The following GRIK3 variants were observed in gnomAD, a reference collection of about 807,000 sequenced individuals.
GRIK3 encodes the protein glutamate receptor ionotropic, kainate 3.
Under a neutral mutation model 102.5 loss-of-function variants are expected in GRIK3, and 29 were observed. The observed-to-expected ratio is 0.28, with a 90% CI of 0.21 to 0.39. The LOEUF (loss-of-function observed/expected upper bound fraction) is 0.39. Among genes scored for constraint, GRIK3 ranks in the 10% least tolerant of loss-of-function variants. The pLI, the probability that GRIK3 is intolerant of heterozygous loss-of-function variation, is 1.00. For missense variants in GRIK3, 908 were observed against 1,252.4 expected, an observed-to-expected ratio of 0.73 and a Z score of 4.15; for synonymous variants, 511 against 504.9, an observed-to-expected ratio of 1.01 and a Z score of -0.16.
intron 13 of GRIK3, among the ~76,000 whole-genome samples, chr1:36,812,537 C>T (rs746985710): frequency 1.3e-5 from 2 of 151,944 alleles, no homozygotes; most frequent in Admixed American, 6.5e-5. Context: ...CTTTTTTCAT[C>T]TCCTAATTAA....
At chr1:36,988,075 G>A (rs1642325381) in intron 1 of GRIK3, among the ~76,000 whole-genome samples, 1 of 152,120 alleles carries the variant, frequency 6.6e-6, no homozygotes, top group Non-Finnish European at 1.5e-5. Context: ...TGGATCACTT[G>A]AGGTCAGGAG....
intron 5 of GRIK3, 80 bp from the exon 6 acceptor site, chr1:36,860,097 T>C: frequency 8.7e-7 from 1 of 1,151,700 alleles, no homozygotes; most frequent in South Asian, 1.5e-5. Context: ...CACTCCCTAA[T>C]CAGGGCCGCC....
At chr1:36,965,406 C>A (rs966475203) in intron 1 of GRIK3, among the ~76,000 whole-genome samples, 1 of 152,120 alleles carries the variant, frequency 6.6e-6, no homozygotes, top group African/African-American at 2.4e-5. Context: ...GCCACACTCG[C>A]CAGCGAACAG....
intron 5 of GRIK3, among the ~76,000 whole-genome samples, chr1:36,867,045 G>A (rs1011508466): frequency 6.6e-6 from 1 of 152,180 alleles, no homozygotes; most frequent in African/African-American, 2.4e-5. Flanking sequence ...TCCCACCCAA[G>A]TGCCTAGTGC....
intron 10 of GRIK3, among the ~76,000 whole-genome samples, chr1:36,840,941 G>A (rs1197477793): frequency 6.6e-6 from 1 of 152,092 alleles, no homozygotes; most frequent in African/African-American, 2.4e-5. Context: ...GACAACAATC[G>A]CGTGAGGAAG....
chr1:36,915,944 G>T (rs1029011558), intron 1 of GRIK3, among the ~76,000 whole-genome samples: 4 of 152,190 alleles, frequency 2.6e-5, no homozygotes, highest in African/African-American at 9.7e-5. Context: ...TTTGGAACTG[G>T]GTAACGGGCA....
chr1:36,857,317 T>C (rs1310795269), intron 7 of GRIK3, among the ~76,000 whole-genome samples: 1 of 151,970 alleles, frequency 6.6e-6, no homozygotes, highest in Non-Finnish European at 1.5e-5. Flanking sequence ...GGGCCAGAAG[T>C]CAGGTCTCAG....
Position 36,817,287 on chromosome 1 carries a change from G to C in GRIK3, c.1874-10C>G. On this transcript the variant is annotated splice_polypyrimidine_tract_variant and intron_variant, in intron 12 of 15. Coordinates refer to ENST00000373091, the MANE Select transcript of GRIK3 (RefSeq NM_000831.4). ...GGCATCAGCTCAGACCCTGGGCGAA[G>C]AGAGGAGATAGTCAGTCCCTTACAA... The C allele has an allele frequency of 1.3e-6, 2 of 1,578,798 alleles. No homozygotes were observed. The highest frequency in any genetic ancestry group is 2.2e-5 in the South Asian group (2 of 90,354).
intron 10 of GRIK3, among the ~76,000 whole-genome samples, chr1:36,827,434 G>T (rs1642767075): frequency 6.6e-6 from 1 of 152,130 alleles, no homozygotes; most frequent in Non-Finnish European, 1.5e-5. Context: ...GACCTTTCTG[G>T]CAAGGGGGGA....
At chr1:36,886,334 G>T (rs986106834) in intron 2 of GRIK3, among the ~76,000 whole-genome samples, 6 of 152,148 alleles carry the variant, frequency 3.9e-5, no homozygotes, top group African/African-American at 1.4e-4. Context: ...GCAATGACGA[G>T]GACTTCTGTC....
At chr1:36,890,884 C>A in intron 2 of GRIK3, 36 bp downstream of exon 2, 1 of 1,524,938 alleles carries the variant, frequency 6.6e-7, no homozygotes, top group East Asian at 2.3e-5. Flanking sequence ...CCTCCCCAGG[C>A]TGGGAAGAGA....
rs57217516 is a variant in GRIK3 at position 36,826,680 on chromosome 1, TAAA to T, written c.1531-857_1531-855del. ...CAGAGTGAGATCTTGTTTCAAAAAA[TAAA>T]AAAAAAAAAAAAGAAAAGAAACAAA... On this transcript the variant is annotated intron_variant, in intron 10 of 15. Transcript: ENST00000373091. Among the ~76,000 whole-genome samples, 591 of 108,106 alleles carry T rather than the reference TAAA, an allele frequency of 5.5e-3. 4 individuals carry two copies. Among genetic ancestry groups the T allele is most frequent in the African/African-American group, 0.018 (530 of 29,830 alleles). 70.9% of individuals were successfully genotyped at this position (108,106 alleles called of 152,430 possible). A position where few individuals can be genotyped will look rare whatever the true frequency, so the allele number is the denominator to read the frequency against.
In GRIK3 at chr1:36,853,722, C is replaced by A. The variant is rs763199427; in HGVS notation, c.1105G>T (p.Ala369Ser). Residue 369 changes from alanine (A) to serine (S), a missense_variant and splice_region_variant, in exon 8 of 16, where the codon GCT becomes TCT. Transcript: ENST00000373091. ...CGTCCAGTTAATCCTTCCCATTGAG[C>A]CTGCGGAGGGGAGAGGGCAGAGCGG... is the stretch of plus-strand genomic sequence containing the variant. ...GGRFMNFIKE[A>S]QWEGLTGRIV... 5.1e-6 allele frequency: 8 copies of A among 1,583,932 alleles called. No individual in the cohort carries two copies. The South Asian group carries it at 8.8e-5, about 17-fold the overall frequency.
chr1:36,987,802 G>A (rs1642321901), intron 1 of GRIK3, among the ~76,000 whole-genome samples: 1 of 152,108 alleles, frequency 6.6e-6, no homozygotes, highest in South Asian at 2.1e-4. Flanking sequence ...CCTCTGAGAT[G>A]AGGCAAGTCT....
chr1:36,842,073 C>G (rs562891140), intron 9 of GRIK3, 134 bp from the exon 10 acceptor site: 2 of 734,330 alleles, frequency 2.7e-6, no homozygotes, highest in African/African-American at 1.7e-5. Context: ...ACAAAGGGCC[C>G]GTGAAGTCAG....
At chr1:37,017,120 G>C (rs142424625) in intron 1 of GRIK3, among the ~76,000 whole-genome samples, 5 of 151,990 alleles carry the variant, frequency 3.3e-5, no homozygotes, top group African/African-American at 7.2e-5. Flanking sequence ...GACAGCTGAG[G>C]GGGGAGGATC....
At chr1:36,956,832 G>C (rs1011224456) in intron 1 of GRIK3, among the ~76,000 whole-genome samples, 3 of 152,208 alleles carry the variant, frequency 2.0e-5, no homozygotes, top group Non-Finnish European at 4.4e-5. Flanking sequence ...TTGAAAATTT[G>C]AAAATTTTTC....
intron 8 of GRIK3, among the ~76,000 whole-genome samples, chr1:36,851,710 C>T (rs1640587746): frequency 6.6e-6 from 1 of 152,218 alleles, no homozygotes; most frequent in East Asian, 1.9e-4. Flanking sequence ...TGACCCGGTG[C>T]CTTGGTGAGT....
At chr1:36,999,824 C>T (rs544619516) in intron 1 of GRIK3, among the ~76,000 whole-genome samples, 1 of 152,228 alleles carries the variant, frequency 6.6e-6, no homozygotes, top group East Asian at 1.9e-4. Context: ...TTACTTTGTC[C>T]CCTTAGAACT....
Sources: gnomAD v4.1 joint callset for allele counts (sites outside exome capture counted in the v4.1 genomes callset) on GRCh38, gnomAD v4.1.1 for gene constraint, MANE v1.5 for transcripts, NCBI Gene and HGNC (gene_info 2026-07-23, HGNC 2026-07-21) for gene names.